Variants in CA10 observed in about 807,000 individuals in gnomAD.
The protein encoded by CA10 is carbonic anhydrase 10 (inactive).
Under a neutral mutation model 44.2 loss-of-function variants are expected in CA10, and 14 were observed. The observed-to-expected ratio is 0.32, with a 90% confidence interval of 0.21 to 0.50. The LOEUF is 0.50. Among genes scored for constraint, CA10 ranks in the 20% least tolerant of loss-of-function variants. The pLI, the probability that CA10 is intolerant of heterozygous loss-of-function variation, is 0.99. For missense variants in CA10, 350 were observed against 409.7 expected, an observed-to-expected ratio of 0.85 and a Z score of 1.26; for synonymous variants, 159 against 141.6, an observed-to-expected ratio of 1.12 and a Z score of -0.87.
intron 1 of CA10, among the ~76,000 whole-genome samples, chr17:52,140,540 A>G (rs889188219): frequency 6.6e-6 from 1 of 152,090 alleles, no homozygotes; most frequent in African/African-American, 2.4e-5. Context: ...TTTTTTCCCC[A>G]ACTATCTGAA....
intron 3 of CA10, among the ~76,000 whole-genome samples, chr17:51,899,697 C>A (rs77106522): frequency 0.029 from 4,429 of 152,100 alleles, 94 homozygotes; most frequent in Middle Eastern, 0.061. Flanking sequence ...TCTTTTAGGT[C>A]TCTAAGAACT....
At chr17:51,864,514 A>G (rs1332687078) in intron 3 of CA10, among the ~76,000 whole-genome samples, 1 of 152,140 alleles carries the variant, frequency 6.6e-6, no homozygotes, top group East Asian at 1.9e-4. Flanking sequence ...ATTTTCATTG[A>G]GTTCATCCCA....
intron 2 of CA10, among the ~76,000 whole-genome samples, chr17:51,954,922 C>T (rs1983610645): frequency 6.6e-6 from 1 of 152,126 alleles, no homozygotes. Context: ...TCAGTTCCTT[C>T]CAGGGAGTCT....
At chr17:52,078,931 A>G (rs997182640) in intron 1 of CA10, among the ~76,000 whole-genome samples, 1 of 152,214 alleles carries the variant, frequency 6.6e-6, no homozygotes, top group Non-Finnish European at 1.5e-5. Flanking sequence ...ATCTGTTTCC[A>G]TATCATTCAT....
intron 2 of CA10, among the ~76,000 whole-genome samples, chr17:51,965,156 AT>A (rs1249645536): frequency 6.6e-6 from 1 of 151,992 alleles, no homozygotes; most frequent in Non-Finnish European, 1.5e-5. Flanking sequence ...GAGGAAATGG[AT>A]AAATTCCTGG....
intron 1 of CA10, chr17:52,135,011 A>T (rs765966473): frequency 2.5e-5 from 13 of 517,300 alleles, no homozygotes; most frequent in Non-Finnish European, 5.0e-5. Flanking sequence ...TCCAACCCAG[A>T]CTGCCACCAG....
chr17:51,639,085 C>T lies in CA10; in HGVS notation c.635-3076G>A, dbSNP rs79911342. Among the ~76,000 whole-genome samples the T allele has an allele frequency of 4.2e-3, 644 of 152,256 alleles. 2 individuals carry two copies. The highest frequency in any genetic ancestry group is 0.015 in the African/African-American group (631 of 41,522). On this transcript the variant is annotated intron_variant, in intron 6 of 8. Coordinates refer to ENST00000451037, the MANE Select transcript of CA10 (RefSeq NM_020178.5). Reference sequence around the variant, plus strand: ...TTCATCCGGAGGCAATGCGGAACCACCGAAGGGATTGAAGCCAAGGAGTAG... The same window carrying T: ...TTCATCCGGAGGCAATGCGGAACCATCGAAGGGATTGAAGCCAAGGAGTAG...
intron 6 of CA10, among the ~76,000 whole-genome samples, chr17:51,639,657 C>T (rs1299528626): frequency 6.6e-6 from 1 of 152,226 alleles, no homozygotes; most frequent in African/African-American, 2.4e-5. Flanking sequence ...TCACTCCCCA[C>T]TGTGTTCCTT....
At chr17:52,049,859 T>C (rs899299297) in intron 2 of CA10, among the ~76,000 whole-genome samples, 5 of 152,118 alleles carry the variant, frequency 3.3e-5, no homozygotes, top group African/African-American at 7.2e-5. Flanking sequence ...AAGATTATAC[T>C]GGAATACCAT....
intron 3 of CA10, among the ~76,000 whole-genome samples, chr17:51,901,516 G>C (rs1198228362): frequency 2.0e-5 from 3 of 152,124 alleles, no homozygotes; most frequent in African/African-American, 7.2e-5. Flanking sequence ...AGCATCATGG[G>C]GTACACGTGT....
chr17:52,028,196 G>A (rs1363806116), intron 2 of CA10, among the ~76,000 whole-genome samples: 1 of 152,128 alleles, frequency 6.6e-6, no homozygotes, highest in Admixed American at 6.5e-5. Flanking sequence ...AAAATGCAGA[G>A]GCTGCAGAGT....
intron 3 of CA10, among the ~76,000 whole-genome samples, chr17:51,807,330 C>T (rs1374286989): frequency 6.6e-6 from 1 of 152,176 alleles, no homozygotes; most frequent in Admixed American, 6.5e-5. Context: ...TCAGGTTACA[C>T]AGGTATTTAG....
chr17:52,061,876 G>C (rs971572075), intron 2 of CA10, among the ~76,000 whole-genome samples: 8 of 152,058 alleles, frequency 5.3e-5, no homozygotes, highest in African/African-American at 1.9e-4. Context: ...GGAGCTATAG[G>C]AAACTAATAC....
chr17:52,157,879 A>G lies in CA10; in HGVS notation c.-93T>C. On this transcript the variant is annotated 5_prime_UTR_variant, in exon 1 of 9. Coordinates refer to ENST00000451037, the MANE Select transcript of CA10 (RefSeq NM_020178.5). ...CACACACACATACACACTCGCACAC[A>G]CTTCCGAGCGAGTGCACACTCGCAC... The G allele has an allele frequency of 3.0e-6, 3 of 996,474 alleles. No homozygotes were observed. In the East Asian group the frequency reaches 7.1e-5, roughly 24 times the overall value. 61.7% of individuals were successfully genotyped at this position (996,474 alleles called of 1,614,324 possible).
intron 4 of CA10, among the ~76,000 whole-genome samples, chr17:51,672,546 A>G (rs1914467337): frequency 6.6e-6 from 1 of 152,080 alleles, no homozygotes; most frequent in African/African-American, 2.4e-5. Flanking sequence ...GGGCCGGGGG[A>G]CCAAAACTTA....
At chr17:51,982,892 T>C (rs1295046482) in intron 2 of CA10, among the ~76,000 whole-genome samples, 1 of 151,922 alleles carries the variant, frequency 6.6e-6, no homozygotes, top group Non-Finnish European at 1.5e-5. Context: ...CAATGACCCG[T>C]AGAAAGCAGA....
At chr17:52,026,705 C>T (rs1469461787) in intron 2 of CA10, among the ~76,000 whole-genome samples, 1 of 152,072 alleles carries the variant, frequency 6.6e-6, no homozygotes, top group East Asian at 1.9e-4. Context: ...TTATAAAACC[C>T]TGAGATTTCA....
intron 1 of CA10, among the ~76,000 whole-genome samples, chr17:52,079,446 G>A (rs1326123729): frequency 4.2e-5 from 6 of 142,630 alleles, no homozygotes; most frequent in African/African-American, 1.5e-4. Context: ...GGGACAGAGC[G>A]AGACTCCGTC....
chr17:52,046,540 T>C (rs1024192069), intron 2 of CA10, among the ~76,000 whole-genome samples: 35 of 151,848 alleles, frequency 2.3e-4, no homozygotes, highest in Non-Finnish European at 4.4e-5. Flanking sequence ...TGGATAGTCA[T>C]ATAACAATTC....
Sources: allele counts gnomAD v4.1 joint callset (sites outside exome capture counted in the v4.1 genomes callset), GRCh38; gene constraint gnomAD v4.1.1; transcripts MANE v1.5; gene names NCBI Gene and HGNC (gene_info 2026-07-23, HGNC 2026-07-21).